CTNNA2: variants seen among roughly 807,000 people sequenced by gnomAD.
CTNNA2 encodes catenin alpha 2.
Under a neutral mutation model 101.0 loss-of-function variants are expected in CTNNA2, and 42 were observed. The ratio of observed to expected loss-of-function variants is 0.42; its 90% confidence interval spans 0.32 to 0.54. The LOEUF is 0.54. Ranked by LOEUF, CTNNA2 falls within the 20% of genes least tolerant of loss-of-function variation. The pLI, the probability that CTNNA2 is intolerant of heterozygous loss-of-function variation, is 0.14. For synonymous variants in CTNNA2, 450 were observed against 456.4 expected (o/e 0.99, Z 0.18); for missense variants, 871 against 1,223.1 (o/e 0.71, Z 4.29).
chr2:79,475,838 T>A (rs1185269380), intron 4 of CTNNA2, among the ~76,000 whole-genome samples: 2 of 152,146 alleles, frequency 1.3e-5, no homozygotes, highest in Non-Finnish European at 2.9e-5. Flanking sequence ...TTGGTAATAC[T>A]CAATATCTAT....
intron 7 of CTNNA2, among the ~76,000 whole-genome samples, chr2:80,388,652 T>C (rs1268724023): frequency 1.3e-5 from 2 of 152,228 alleles, no homozygotes; most frequent in East Asian, 3.8e-4. Context: ...TTACAACTAA[T>C]TGGCTTTTGT....
chr2:80,538,864 C>A (rs7569702), intron 9 of CTNNA2, among the ~76,000 whole-genome samples: 79,265 of 151,938 alleles, frequency 0.52, 21,882 homozygotes, highest in African/African-American at 0.72. Flanking sequence ...CGAGCATGGA[C>A]TGTTTTTCCA....
At chr2:79,667,219 G>T (rs1409038988) in intron 2 of CTNNA2, among the ~76,000 whole-genome samples, 1 of 152,184 alleles carries the variant, frequency 6.6e-6, no homozygotes, top group Admixed American at 6.5e-5. Flanking sequence ...TGTAGTAACT[G>T]GTGGCAGCCT....
chr2:79,905,936 A>G (rs1037629464), intron 6 of CTNNA2, among the ~76,000 whole-genome samples: 1 of 152,080 alleles, frequency 6.6e-6, no homozygotes, highest in Non-Finnish European at 1.5e-5. Context: ...TTTTATTTGT[A>G]GGAACTATAG....
At chr2:79,931,271 T>C (rs1405632654) in intron 7 of CTNNA2, among the ~76,000 whole-genome samples, 1 of 152,220 alleles carries the variant, frequency 6.6e-6, no homozygotes, top group Non-Finnish European at 1.5e-5. Context: ...TTTTTAATTA[T>C]ATTTATCTAT....
In CTNNA2 at chr2:79,403,304, A is replaced by G. The variant is rs1473509412; in HGVS notation, c.-135+29291A>G. On this transcript the variant is annotated intron_variant, in intron 4 of 21. Coordinates refer to the CTNNA2 transcript ENST00000466387. ...AATAGAGATATGAGATTGGAAGAAG[A>G]TATTTGCAATCCATAAAACTCACAA... Among the ~76,000 whole-genome samples, 4 of 151,936 alleles carry G rather than the reference A, an allele frequency of 2.6e-5. No individual in the cohort carries two copies. In the East Asian group the frequency reaches 7.7e-4, roughly 29 times the overall value.
At chr2:80,121,515 T>A (rs1184551020) in intron 7 of CTNNA2, among the ~76,000 whole-genome samples, 1 of 152,122 alleles carries the variant, frequency 6.6e-6, no homozygotes, top group Non-Finnish European at 1.5e-5. Context: ...CAGTTTTCCA[T>A]AGTAAGTGCC....
At chr2:79,214,635 G>A (rs1343871353) in intron 2 of CTNNA2, among the ~76,000 whole-genome samples, 2 of 152,048 alleles carry the variant, frequency 1.3e-5, no homozygotes, top group South Asian at 4.1e-4. Flanking sequence ...GCCAGGGAAG[G>A]AGTAGAGATG....
At chr2:80,021,194 A>AT (rs1336657174) in intron 7 of CTNNA2, among the ~76,000 whole-genome samples, 1 of 151,074 alleles carries the variant, frequency 6.6e-6, no homozygotes, top group East Asian at 1.9e-4. Flanking sequence ...TAATTTTTGT[A>AT]TTTTTTGTAG....
intron 4 of CTNNA2, among the ~76,000 whole-genome samples, chr2:79,492,040 TTAGAG>T (rs1671211044): frequency 6.6e-6 from 1 of 152,200 alleles, no homozygotes; most frequent in South Asian, 2.1e-4. Flanking sequence ...CATTTAATAA[TTAGAG>T]TAGTTATTAT....
chr2:79,794,552 T>C (rs565528259), intron 3 of CTNNA2, among the ~76,000 whole-genome samples: 1 of 152,292 alleles, frequency 6.6e-6, no homozygotes, highest in African/African-American at 2.4e-5. Context: ...TGCCTTTTCT[T>C]TCTTTCTTTA....
intron 3 of CTNNA2, among the ~76,000 whole-genome samples, chr2:79,372,491 A>G (rs1677895337): frequency 6.6e-6 from 1 of 152,144 alleles, no homozygotes; most frequent in African/African-American, 2.4e-5. Context: ...CCAGGCATGT[A>G]CTTCTTTATT....
chr2:80,101,204 A>G (rs1449103048), intron 7 of CTNNA2, among the ~76,000 whole-genome samples: 1 of 152,190 alleles, frequency 6.6e-6, no homozygotes, highest in East Asian at 1.9e-4. Context: ...TACCACAACA[A>G]AAAGATTTGG....
chr2:79,669,231 T>C (rs1682654910), intron 2 of CTNNA2, among the ~76,000 whole-genome samples: 1 of 152,182 alleles, frequency 6.6e-6, no homozygotes, highest in Admixed American at 6.5e-5. Flanking sequence ...AGGAGAAATG[T>C]TGGTAATAGG....
intron 7 of CTNNA2, among the ~76,000 whole-genome samples, chr2:80,082,840 C>T (rs991740791): frequency 2.0e-5 from 3 of 152,006 alleles, no homozygotes; most frequent in African/African-American, 7.2e-5. Context: ...GTGTTGTAAC[C>T]AGTATCTTAA....
At chr2:79,294,948 TTGA>T (rs746593065) in intron 2 of CTNNA2, among the ~76,000 whole-genome samples, 5 of 152,112 alleles carry the variant, frequency 3.3e-5, no homozygotes, top group African/African-American at 4.8e-5. Context: ...ATACAATGTC[TTGA>T]TGAACAGATG....
intron 1 of CTNNA2, among the ~76,000 whole-genome samples, chr2:79,187,265 C>CTTTT (rs1156460356): frequency 5.3e-4 from 44 of 83,390 alleles, no homozygotes; most frequent in African/African-American, 2.5e-3. Flanking sequence ...CTTTTCTTTT[C>CTTTT]TTTTCTTTTT....
intron 2 of CTNNA2, among the ~76,000 whole-genome samples, chr2:79,223,747 G>T (rs1309416280): frequency 1.3e-5 from 2 of 152,142 alleles, no homozygotes; most frequent in Non-Finnish European, 2.9e-5. Flanking sequence ...TGGTGGCACT[G>T]CTTCTCAACC....
At chr2:80,527,920 A>C (rs1690178806) in intron 9 of CTNNA2, among the ~76,000 whole-genome samples, 1 of 152,200 alleles carries the variant, frequency 6.6e-6, no homozygotes, top group South Asian at 2.1e-4. Context: ...GGGCGAGTAC[A>C]TCAGAATTTA....
Sources: allele counts gnomAD v4.1 joint callset (sites outside exome capture counted in the v4.1 genomes callset), GRCh38; gene constraint gnomAD v4.1.1; transcripts MANE v1.5; gene names NCBI Gene and HGNC (gene_info 2026-07-23, HGNC 2026-07-21).